The following KLRG1 variants were observed in gnomAD, a reference collection of about 807,000 sequenced individuals.
KLRG1 encodes the protein killer cell lectin-like receptor subfamily G member 1.
A neutral mutation model predicts 21.8 loss-of-function variants in KLRG1; 16 were observed. The ratio of observed to expected loss-of-function variants is 0.73; its 90% CI spans 0.50 to 1.11. KLRG1 has a LOEUF of 1.11. Ranked by LOEUF, KLRG1 falls within the 50% of genes most tolerant of loss-of-function variation. The pLI is 0.00. For synonymous variants in KLRG1, 69 were observed against 75.9 expected, an observed-to-expected ratio of 0.91 and a Z score of 0.47; for missense variants, 173 against 218.3, an observed-to-expected ratio of 0.79 and a Z score of 1.31.
the KLRG1 span, among the ~76,000 whole-genome samples, chr12:9,177,326 G>T: frequency 1.3e-5 from 2 of 152,296 alleles, no homozygotes; most frequent in Middle Eastern, 3.4e-3. Context: ...AGGAACTGAG[G>T]CCTCCTGCCA....
chr12:9,143,934 A>G, the KLRG1 span, among the ~76,000 whole-genome samples: 1 of 152,170 alleles, frequency 6.6e-6, no homozygotes, highest in Non-Finnish European at 1.5e-5. Context: ...GAGACCCAGA[A>G]TCCTCTTTCT....
chr12:9,196,034 T>C, the KLRG1 span, among the ~76,000 whole-genome samples: 1 of 152,112 alleles, frequency 6.6e-6, no homozygotes, highest in Non-Finnish European at 1.5e-5. Flanking sequence ...GATAGAAATA[T>C]CATTTATTCT....
the KLRG1 span, chr12:9,116,258 A>C: frequency 3.6e-6 from 1 of 280,824 alleles, no homozygotes; most frequent in East Asian, 8.0e-5. Context: ...ACTACAATTT[A>C]AGCAACACTG....
the KLRG1 span, chr12:9,029,158 T>G: frequency 7.0e-6 from 2 of 286,672 alleles, no homozygotes; most frequent in Non-Finnish European, 6.7e-6. Flanking sequence ...AGGCAAAATC[T>G]ATTTTCTTAG....
chr12:9,025,158 C>G, the KLRG1 span, among the ~76,000 whole-genome samples: 41 of 152,100 alleles, frequency 2.7e-4, 1 homozygote, highest in South Asian at 5.8e-3. Context: ...GCTGATCATA[C>G]AAGGTAAGGA....
chr12:8,989,009 A>G (rs184782260), upstream of KLRG1, among the ~76,000 whole-genome samples: 147 of 152,346 alleles, frequency 9.6e-4, 1 homozygote, highest in Non-Finnish European at 3.1e-4. Flanking sequence ...AAAATAAGAC[A>G]ACAAAGAGAA....
the KLRG1 span, chr12:9,202,579 G>A: frequency 1.9e-6 from 3 of 1,614,068 alleles, no homozygotes; most frequent in South Asian, 1.1e-5. Flanking sequence ...ACCAGACTTT[G>A]GGTGTTCAGT....
In KLRG1 at chr12:8,996,722, G is replaced by A. The variant is rs138636163; in HGVS notation, c.357+1434G>A. 1.1e-3 allele frequency among the ~76,000 whole-genome samples: 168 copies of A among 152,198 alleles called. 1 individual carries two copies. Among genetic ancestry groups the A allele is most frequent in the South Asian group, 2.1e-3 (10 of 4,824 alleles). Reference sequence around the variant, plus strand: ...CCTTCTCTAAGTGAGGTGGCAGAATGCATTGAGTTGTATTAATTAAACATG... The same window carrying A: ...CCTTCTCTAAGTGAGGTGGCAGAATACATTGAGTTGTATTAATTAAACATG... On this transcript the variant is annotated intron_variant, in intron 3 of 4. Transcript: ENST00000356986.
At chr12:9,122,606 G>A in the KLRG1 span, among the ~76,000 whole-genome samples, 51 of 152,262 alleles carry the variant, frequency 3.3e-4, no homozygotes, top group African/African-American at 1.1e-3. Flanking sequence ...AAGAGATTTA[G>A]ATGTTCCAAT....
chr12:8,951,308 C>A lies in KLRG1; in HGVS notation c.-156+1072C>A, dbSNP rs771545555. The stretch of plus-strand genomic sequence containing the variant: ...GGCAACATAGTGAGACCCCTTCTTT[C>A]AAAAAAAAAAATCAGCTGGGCTTGG... On this transcript the variant is annotated intron_variant, in intron 1 of 4. Transcript: ENST00000539240. 5.2e-4 allele frequency among the ~76,000 whole-genome samples: 77 copies of A among 149,084 alleles called. 1 individual carries two copies. The South Asian group carries it at 0.015, about 30-fold the overall frequency.
chr12:9,065,487 C>T, the KLRG1 span, among the ~76,000 whole-genome samples: 3 of 152,158 alleles, frequency 2.0e-5, no homozygotes, highest in Non-Finnish European at 2.9e-5. Flanking sequence ...AGCGTGCACA[C>T]GCTCAGGACA....
the KLRG1 span, among the ~76,000 whole-genome samples, chr12:9,185,428 T>A: frequency 6.6e-6 from 1 of 152,118 alleles, no homozygotes; most frequent in Non-Finnish European, 1.5e-5. Flanking sequence ...AAATCTGGGA[T>A]TATTTATGTA....
intron 1 of KLRG1, among the ~76,000 whole-genome samples, chr12:8,973,163 G>GAAAA (rs59760555): frequency 8.2e-5 from 8 of 97,032 alleles, no homozygotes; most frequent in African/African-American, 2.2e-4. Context: ...CATCTCAAAA[G>GAAAA]AAAAAAAAAA....
At chr12:9,076,638 G>A in the KLRG1 span, 5 of 868,162 alleles carry the variant, frequency 5.8e-6, no homozygotes, top group Non-Finnish European at 8.9e-6. Flanking sequence ...AAATATATAT[G>A]ATATATAGAA....
chr12:9,036,569 C>T, the KLRG1 span: 64 of 164,868 alleles, frequency 3.9e-4, 1 homozygote, highest in Admixed American at 1.9e-4. Context: ...CAAATATAAA[C>T]GGTGTGAGTA....
the KLRG1 span, among the ~76,000 whole-genome samples, chr12:9,122,490 T>C: frequency 2.6e-5 from 4 of 152,216 alleles, no homozygotes; most frequent in Non-Finnish European, 5.9e-5. Flanking sequence ...ATTACTCAGA[T>C]GATGCTGATG....
At chr12:9,203,371 T>C in the KLRG1 span, among the ~76,000 whole-genome samples, 1 of 138,786 alleles carries the variant, frequency 7.2e-6, no homozygotes, top group Non-Finnish European at 1.5e-5. Flanking sequence ...AGACGGAGTC[T>C]CGCTCTGTCG....
chr12:9,154,408 G>C, the KLRG1 span, among the ~76,000 whole-genome samples: 1 of 152,212 alleles, frequency 6.6e-6, no homozygotes, highest in Non-Finnish European at 1.5e-5. Context: ...ACGTCTCCAT[G>C]TTGCTAATAT....
At chr12:8,995,558 G>A (rs552395346) in intron 3 of KLRG1, among the ~76,000 whole-genome samples, 3 of 152,200 alleles carry the variant, frequency 2.0e-5, no homozygotes, top group East Asian at 3.9e-4. Flanking sequence ...GCATGTAAGT[G>A]TGTATGTGGG....
Sources: gnomAD v4.1 joint callset for allele counts (sites outside exome capture counted in the v4.1 genomes callset) on GRCh38, gnomAD v4.1.1 for gene constraint, MANE v1.5 for transcripts, NCBI Gene and HGNC (gene_info 2026-07-23, HGNC 2026-07-21) for gene names.